Variants in KCNIP4 observed in about 807,000 individuals in gnomAD.
The protein encoded by KCNIP4 is Kv channel-interacting protein 4.
Under a neutral mutation model 34.0 loss-of-function variants are expected in KCNIP4, and 12 were observed. The observed-to-expected ratio is 0.35, with a 90% CI of 0.23 to 0.57. The LOEUF is 0.57. Among genes scored for constraint, KCNIP4 ranks in the 20% least tolerant of loss-of-function variants. KCNIP4 has a pLI of 0.83. For synonymous variants in KCNIP4, 124 were observed against 102.2 expected, an observed-to-expected ratio of 1.21 and a Z score of -1.29; for missense variants, 238 against 311.7, an observed-to-expected ratio of 0.76 and a Z score of 1.78.
In KCNIP4 at chr4:21,044,433, T is replaced by C. The variant is rs552035404; in HGVS notation, c.62-161724A>G. 7.2e-5 allele frequency among the ~76,000 whole-genome samples: 11 copies of C among 152,220 alleles called. No individual in the cohort carries two copies. In the South Asian group the frequency reaches 2.3e-3, roughly 32 times the overall value. On this transcript the variant is annotated intron_variant, in intron 1 of 8. Coordinates refer to ENST00000382152, the MANE Select transcript of KCNIP4 (RefSeq NM_025221.6). ...TTCAGGTGATTCTCCTACTTCAGCC[T>C]CCCAAGTAGCTGGGACTAGAGGCAC... is the stretch of plus-strand genomic sequence containing the variant.
intron 1 of KCNIP4, among the ~76,000 whole-genome samples, chr4:21,906,570 A>G (rs993845156): frequency 6.6e-6 from 1 of 152,106 alleles, no homozygotes; most frequent in African/African-American, 2.4e-5. Flanking sequence ...GAACTGTGAG[A>G]GAATAAATTT....
chr4:21,096,240 C>T (rs1006831804), intron 1 of KCNIP4, among the ~76,000 whole-genome samples: 17 of 152,114 alleles, frequency 1.1e-4, no homozygotes, highest in African/African-American at 3.9e-4. Context: ...ATCCCATACC[C>T]TCATTTGTTA....
At chr4:20,784,251 A>G (rs1028569602) in intron 3 of KCNIP4, among the ~76,000 whole-genome samples, 1 of 152,212 alleles carries the variant, frequency 6.6e-6, no homozygotes, top group African/African-American at 2.4e-5. Context: ...CATCACGTTC[A>G]AGTGCCTCGT....
intron 1 of KCNIP4, among the ~76,000 whole-genome samples, chr4:21,457,561 G>A (rs358571): frequency 0.2 from 29,657 of 151,854 alleles, 3,540 homozygotes; most frequent in African/African-American, 0.33. Context: ...TTGGGGAGTG[G>A]TGGGACTAGA....
At chr4:21,910,523 C>T (rs1728243959) in intron 1 of KCNIP4, among the ~76,000 whole-genome samples, 1 of 151,980 alleles carries the variant, frequency 6.6e-6, no homozygotes, top group South Asian at 2.1e-4. Context: ...TTGTGAAGCC[C>T]CAGAGATTCC....
chr4:21,638,450 C>A (rs985414395), intron 1 of KCNIP4, among the ~76,000 whole-genome samples: 7 of 152,054 alleles, frequency 4.6e-5, no homozygotes, highest in Non-Finnish European at 1.0e-4. Context: ...AACTGTATAA[C>A]CATGAAAAAG....
chr4:21,233,848 CTATA>C (rs1179452416), intron 1 of KCNIP4, among the ~76,000 whole-genome samples: 2 of 127,924 alleles, frequency 1.6e-5, no homozygotes, highest in Non-Finnish European at 3.1e-5. Flanking sequence ...ATATATTACA[CTATA>C]TAGTCAATAT....
chr4:21,770,434 A>G (rs2109189401), intron 1 of KCNIP4, among the ~76,000 whole-genome samples: 1 of 152,190 alleles, frequency 6.6e-6, no homozygotes, highest in South Asian at 2.1e-4. Flanking sequence ...ATGTGTCTTT[A>G]TAGCAGAATG....
chr4:21,774,051 G>C (rs1719010133), intron 1 of KCNIP4, among the ~76,000 whole-genome samples: 1 of 151,756 alleles, frequency 6.6e-6, no homozygotes, highest in African/African-American at 2.4e-5. Context: ...TTTATATGTT[G>C]CTGTTTTTGC....
At chr4:20,909,570 T>G (rs1478013740) in intron 1 of KCNIP4, among the ~76,000 whole-genome samples, 2 of 152,208 alleles carry the variant, frequency 1.3e-5, no homozygotes, top group Non-Finnish European at 1.5e-5. Context: ...GAAACAGTCA[T>G]GCTCACATGT....
intron 1 of KCNIP4, among the ~76,000 whole-genome samples, chr4:21,216,731 G>C (rs1367418675): frequency 2.0e-5 from 3 of 152,078 alleles, no homozygotes; most frequent in African/African-American, 7.2e-5. Flanking sequence ...AGTGGTGGAA[G>C]ATAAGACATG....
At chr4:21,119,640 T>C (rs1017552048) in intron 1 of KCNIP4, among the ~76,000 whole-genome samples, 1 of 151,954 alleles carries the variant, frequency 6.6e-6, no homozygotes, top group Non-Finnish European at 1.5e-5. Context: ...CACTGCCTAA[T>C]GTACATTTTT....
intron 1 of KCNIP4, among the ~76,000 whole-genome samples, chr4:21,481,058 A>G (rs1384719277): frequency 6.6e-6 from 1 of 152,184 alleles, no homozygotes; most frequent in African/African-American, 2.4e-5. Context: ...AGATAATTCA[A>G]TCACTGGAAC....
intron 1 of KCNIP4, among the ~76,000 whole-genome samples, chr4:21,150,874 C>T (rs1384576816): frequency 2.0e-5 from 3 of 152,120 alleles, no homozygotes; most frequent in African/African-American, 4.8e-5. Context: ...CTCAAGTTGG[C>T]CATTATTTCT....
At chr4:21,452,334 G>A (rs1728578713) in intron 1 of KCNIP4, among the ~76,000 whole-genome samples, 1 of 152,090 alleles carries the variant, frequency 6.6e-6, no homozygotes, top group Non-Finnish European at 1.5e-5. Context: ...GTTAGAAGCT[G>A]CCAAGAGAAA....
chr4:21,157,118 C>CCT lies in KCNIP4; in HGVS notation c.62-274410_62-274409insAG, dbSNP rs1753195918. 3.3e-5 allele frequency among the ~76,000 whole-genome samples: 5 copies of CCT among 152,054 alleles called. No individual in the cohort carries two copies. In the South Asian group the frequency reaches 1.0e-3, roughly 32 times the overall value. ...CCTCGCTGAGGCTTCGTTTTACTCT[C>CCT]TGCAAAAGACAGTTAACATCACCAG... On this transcript the variant is annotated intron_variant, in intron 1 of 8. Coordinates refer to ENST00000382152, the MANE Select transcript of KCNIP4 (RefSeq NM_025221.6).
In KCNIP4 at chr4:21,912,247, T is replaced by C. The variant is rs931315686; in HGVS notation, c.61+36324A>G. ...AAGGGGTTTGATGACTATGGTATTG[T>C]CCCTGTGTTCAAGGGGTTTATTATA... On this transcript the variant is annotated intron_variant, in intron 1 of 8. Coordinates refer to ENST00000382152, the MANE Select transcript of KCNIP4 (RefSeq NM_025221.6). Among the ~76,000 whole-genome samples, 3 of 152,210 alleles carry C rather than the reference T, an allele frequency of 2.0e-5. No homozygotes were observed. The East Asian group carries it at 5.8e-4, about 29-fold the overall frequency.
At chr4:20,957,555 C>G (rs1733437243) in intron 1 of KCNIP4, among the ~76,000 whole-genome samples, 1 of 149,730 alleles carries the variant, frequency 6.7e-6, no homozygotes, top group South Asian at 2.1e-4. Flanking sequence ...GGCTTCAAAG[C>G]CTATGTCCTG....
intron 1 of KCNIP4, among the ~76,000 whole-genome samples, chr4:21,229,184 T>C (rs1758623192): frequency 6.6e-6 from 1 of 152,174 alleles, no homozygotes; most frequent in Non-Finnish European, 1.5e-5. Flanking sequence ...GTGCCCTGAC[T>C]TGCCCCACTC....
Sources: allele counts gnomAD v4.1 joint callset (sites outside exome capture counted in the v4.1 genomes callset), GRCh38; gene constraint gnomAD v4.1.1; transcripts MANE v1.5; gene names NCBI Gene and HGNC (gene_info 2026-07-23, HGNC 2026-07-21).